The following NEB variants were observed in gnomAD, a reference collection of about 807,000 sequenced individuals.
NEB encodes the protein nemaline myopathy type 2.
NEB carries 512 observed loss-of-function variants against 952.2 expected under a neutral mutation model. The observed-to-expected ratio is 0.54, with a 90% CI of 0.50 to 0.58. NEB has a LOEUF of 0.58. Ranked by LOEUF, NEB falls within the 20% of genes least tolerant of loss-of-function variation. NEB has a pLI of 0.00. For synonymous variants in NEB, 2,900 were observed against 3,149.8 expected (o/e 0.92, Z 2.66); for missense variants, 8,428 against 9,231.1 (o/e 0.91, Z 3.56).
At position 151,493,815 on chromosome 2, in the gene NEB, T is replaced by G. The variant is rs201243201; in HGVS notation, c.24632A>C (p.Glu8211Ala). 3.1e-6 allele frequency: 5 copies of G among 1,588,492 alleles called. No homozygotes were observed. Among genetic ancestry groups the G allele is most frequent in the Middle Eastern group, 1.7e-4 (1 of 6,004 alleles). The change falls in exon 175 of 182, where the codon GAG (glutamate) becomes GCG (alanine). Residue 8211 changes from glutamate to alanine, a missense_variant. Physicochemically the swap from Glu to Ala is moderately radical, Grantham distance 107 (BLOSUM62 -1). Around this residue, in one of 11 missense-constraint regions of NEB, gnomAD observed 3,374 missense variants for 3,651.5 expected, o/e 0.92. Coordinates refer to ENST00000397345, the MANE Select transcript of NEB (RefSeq NM_001164508.2). The part of the protein sequence containing the change: ...GKATPTPFTP[E>A]MERVKRNQEN... ...TTGATTGCGTTTCACTCTTTCCATCTCAGGAGTAAAGGGTGTGGGGGTTGC... is the reference window on the plus strand; with the variant it reads ...TTGATTGCGTTTCACTCTTTCCATCGCAGGAGTAAAGGGTGTGGGGGTTGC...
intron 172 of NEB, among the ~76,000 whole-genome samples, chr2:151,496,591 G>A (rs1301473615): frequency 5.3e-5 from 8 of 152,156 alleles, no homozygotes; most frequent in Non-Finnish European, 8.8e-5. Flanking sequence ...CTGGGGAAAG[G>A]CTGTCAGAGT....
intron 169 of NEB, among the ~76,000 whole-genome samples, chr2:151,498,978 T>G (rs1294166129): frequency 6.6e-6 from 1 of 152,206 alleles, no homozygotes; most frequent in Non-Finnish European, 1.5e-5. Context: ...AGTCGGATCT[T>G]TGCAAAATAC....
At chr2:151,649,685 G>C (rs2099008728) in intron 54 of NEB, among the ~76,000 whole-genome samples, 1 of 152,138 alleles carries the variant, frequency 6.6e-6, no homozygotes, top group Non-Finnish European at 1.5e-5. Context: ...TGGTGTCAGA[G>C]CTGGTGAAGA....
intron 72 of NEB, among the ~76,000 whole-genome samples, chr2:151,620,096 C>T (rs775033245): frequency 3.3e-5 from 5 of 151,944 alleles, no homozygotes; most frequent in East Asian, 1.9e-4. Context: ...ACACCTGGGG[C>T]GTATGTTTAC....
Position 151,627,836 on chromosome 2 carries a change from T to C in NEB, c.9832-2A>G. 2 of 1,612,706 alleles carry C rather than the reference T, an allele frequency of 1.2e-6. No individual in the cohort carries two copies. ...GCGGTAACCATCTTTGTATTTGTAC[T>C]GAAATAAAGGTGGTCATTTCAAAAA... On this transcript the variant is annotated splice_acceptor_variant, in intron 68 of 181. Coordinates refer to ENST00000397345, the MANE Select transcript of NEB (RefSeq NM_001164508.2). LOFTEE classifies it high-confidence loss of function.
rs769642582 is a variant in NEB at position 151,671,048 on chromosome 2, T to C, written c.4481A>G (p.Gln1494Arg). 1.4e-5 allele frequency: 22 copies of C among 1,613,968 alleles called. No homozygotes were observed. In the South Asian group the frequency reaches 2.1e-4, roughly 15 times the overall value. ...ATCACTTAGCTGCTTTGTGTTATGC[T>C]GAGCCAACACCATGCCCATGGAATC... Reference protein sequence around the residue: ...VPDSMGMVLAQHNTKQLSDLN... With the variant: ...VPDSMGMVLARHNTKQLSDLN... The change falls in exon 38 of 182, where the codon CAG becomes CGG. Residue 1494 changes from glutamine (Q) to arginine (R), a missense_variant. Around this residue, in one of 11 missense-constraint regions of NEB, gnomAD observed 2,851 missense variants for 2,791.5 expected, o/e 1.02. Coordinates refer to ENST00000397345, the MANE Select transcript of NEB (RefSeq NM_001164508.2).
chr2:151,683,444 A>G (rs1485871076), intron 28 of NEB, among the ~76,000 whole-genome samples: 1 of 152,236 alleles, frequency 6.6e-6, no homozygotes, highest in Non-Finnish European at 1.5e-5. Flanking sequence ...TTTAGATACA[A>G]AATTCAAACT....
Position 151,579,417 on chromosome 2 carries a change from T to C in NEB, c.16625A>G (p.His5542Arg), listed in dbSNP as rs773955783. 1.2e-4 allele frequency: 177 copies of C among 1,531,194 alleles called. 2 individuals carry two copies. Among genetic ancestry groups the C allele is most frequent in the Non-Finnish European group, 4.4e-5 (50 of 1,133,942 alleles). 94.9% of individuals were successfully genotyped at this position (1,531,194 alleles called of 1,614,324 possible). ...AAAGCAAGACCAGCGGTGCAGGTAA[T>C]GGCGATAGTCCACATCACTTGCCAG... ...QALASDVDYRHYLHRWSCFPD... is the reference protein window; with the variant it reads ...QALASDVDYRRYLHRWSCFPD... The change falls in exon 105 of 182, where the codon CAT (histidine) becomes CGT (arginine). Residue 5542 changes from histidine (H) to arginine (R), a missense_variant. By Grantham distance (29) the His-to-Arg change is conservative. This residue lies in a region of NEB where 19 missense variants were observed against 49.3 expected (regional missense o/e 0.39). Coordinates refer to ENST00000397345, the MANE Select transcript of NEB (RefSeq NM_001164508.2).
intron 147 of NEB, 61 bp downstream of exon 147, chr2:151,527,420 A>G (rs2086971678): frequency 1.7e-6 from 2 of 1,182,274 alleles, no homozygotes; most frequent in African/African-American, 3.1e-5. Flanking sequence ...ATAAATAATT[A>G]TTCATTGTAT....
Position 151,727,746 on chromosome 2 carries a change from T to G in NEB, c.239A>C (p.Lys80Thr). Reference sequence around the variant, plus strand: ...GTGTGCAATGTAGGGGGTCATGAACTTTGAAGGATCCACTTTCTTCCGGAT... The same window carrying G: ...GTGTGCAATGTAGGGGGTCATGAACGTTGAAGGATCCACTTTCTTCCGGAT... ...KVIRKKVDPS[K>T]FMTPYIAHSQ... The change falls in exon 5 of 182, where the codon AAG becomes ACG. Residue 80 changes from lysine (K) to threonine (T), a missense_variant. By Grantham distance (78) the Lys-to-Thr change is moderately conservative. Around this residue, in one of 11 missense-constraint regions of NEB, gnomAD observed 2,851 missense variants for 2,791.5 expected, o/e 1.02. Transcript: ENST00000397345. 6.2e-7 allele frequency: 1 copy of G among 1,613,702 alleles called. No individual in the cohort carries two copies. Among genetic ancestry groups the G allele is most frequent in the South Asian group, 1.1e-5 (1 of 91,088 alleles).
intron 76 of NEB, chr2:151,615,766 T>C (rs2098173363): frequency 5.3e-6 from 2 of 378,224 alleles, no homozygotes; most frequent in Non-Finnish European, 4.7e-6. Flanking sequence ...ATTTTTGGTG[T>C]CCGTAAAACA....
intron 60 of NEB, among the ~76,000 whole-genome samples, chr2:151,641,209 G>A (rs143936529): frequency 1.3e-3 from 205 of 152,282 alleles, no homozygotes; most frequent in East Asian, 8.3e-3. Flanking sequence ...GTTATGATTC[G>A]TGTGTGAGAA....
chr2:151,664,005 A>T (rs1205398066), intron 44 of NEB, 146 bp from the exon 45 acceptor site: 1 of 705,638 alleles, frequency 1.4e-6, no homozygotes, highest in Non-Finnish European at 2.2e-6. Context: ...GGGAGGGAGC[A>T]AACTCTTTTT....
chr2:151,499,931 C>G (rs2063157065), intron 168 of NEB, among the ~76,000 whole-genome samples: 1 of 152,066 alleles, frequency 6.6e-6, no homozygotes, highest in South Asian at 2.1e-4. Flanking sequence ...TGCCTAAATG[C>G]AATCTGTGTA....
At chr2:151,546,273 G>T in intron 134 of NEB, 72 bp downstream of exon 134, 1 of 1,210,990 alleles carries the variant, frequency 8.3e-7, no homozygotes, top group Non-Finnish European at 1.2e-6. Flanking sequence ...CTTCTGCCTA[G>T]CCCTGGAGGC....
rs768693028 is a variant in NEB at position 151,527,001 on chromosome 2, C to G, written c.21862G>C (p.Glu7288Gln). 132 of 1,599,100 alleles carry G rather than the reference C, an allele frequency of 8.3e-5. No homozygotes were observed. The Admixed American group carries it at 2.2e-3, about 27-fold the overall frequency. ...GAAAGCTTGCAACCCTTGAGGAACT[C>G]CCGGTCCAGCTTATATTCAAACTGT... ...QSDFEYKLDR[E>Q]FLKGCKLSVT... Residue 7288 changes from glutamate (E) to glutamine (Q), a missense_variant, in exon 148 of 182, where the codon GAG (glutamate) becomes CAG (glutamine). Physicochemically the swap from Glu to Gln is conservative, Grantham distance 29 (BLOSUM62 2). This residue lies in a region of NEB where 3,374 missense variants were observed against 3,651.5 expected (regional missense o/e 0.92). Coordinates refer to ENST00000397345, the MANE Select transcript of NEB (RefSeq NM_001164508.2).
chr2:151,530,603 G>A (rs978299379), intron 145 of NEB: 1 of 162,576 alleles, frequency 6.2e-6, no homozygotes, highest in African/African-American at 2.4e-5. Flanking sequence ...TAAAAAATCA[G>A]TACCTCAGGA....
At chr2:151,642,431 C>A in intron 60 of NEB, 143 bp downstream of exon 60, 1 of 686,816 alleles carries the variant, frequency 1.5e-6, no homozygotes, top group Non-Finnish European at 2.4e-6. Flanking sequence ...ACTCTATTAC[C>A]ATTATTTTAA....
chr2:151,613,060 T>C (rs1579311631), intron 77 of NEB, among the ~76,000 whole-genome samples: 1 of 152,218 alleles, frequency 6.6e-6, no homozygotes, highest in African/African-American at 2.4e-5. Flanking sequence ...GTAACAATTC[T>C]TTTTGTTTTT....
Sources: allele counts gnomAD v4.1 joint callset (sites outside exome capture counted in the v4.1 genomes callset), GRCh38; gene constraint gnomAD v4.1.1; regional missense constraint gnomAD v4.1.1; transcripts MANE v1.5; gene names NCBI Gene and HGNC (gene_info 2026-07-23, HGNC 2026-07-21).